Variants in HTR1F observed in about 807,000 individuals in gnomAD.
The protein encoded by HTR1F is 5-hydroxytryptamine (serotonin) receptor 1F, G protein-coupled.
In HTR1F, 17 loss-of-function variants were observed where a neutral mutation model predicts 24.0. The ratio of observed to expected loss-of-function variants is 0.71; its 90% CI spans 0.48 to 1.06. The LOEUF (loss-of-function observed/expected upper bound fraction) is 1.06, where lower values mean the gene tolerates loss of function less well. HTR1F is among the 50% of genes least tolerant of loss of function. The probability of loss-of-function intolerance (pLI) is 0.00; values close to 1 mark genes in which losing one functional copy is unlikely to be tolerated. For synonymous variants in HTR1F, 186 were observed against 156.8 expected, an observed-to-expected ratio of 1.19 and a Z score of -1.39; for missense variants, 391 against 427.8, an observed-to-expected ratio of 0.91 and a Z score of 0.76.
chr3:87,858,220 A>C (rs1705241258), intron 2 of HTR1F, among the ~76,000 whole-genome samples: 1 of 152,190 alleles, frequency 6.6e-6, no homozygotes, highest in Admixed American at 6.6e-5. Context: ...TTTACTGAGC[A>C]AAGGCATGTA....
intron 2 of HTR1F, among the ~76,000 whole-genome samples, chr3:87,838,508 G>GT (rs534385232): frequency 9.2e-5 from 14 of 151,580 alleles, no homozygotes; most frequent in African/African-American, 2.9e-4. Flanking sequence ...AAATTTTGAG[G>GT]TTTTTTTTAT....
chr3:87,984,781 C>T (rs891221835), intron 2 of HTR1F, among the ~76,000 whole-genome samples: 2 of 152,008 alleles, frequency 1.3e-5, no homozygotes, highest in African/African-American at 4.8e-5. Context: ...TTATAACTCT[C>T]AGATTTATTA....
rs138286717 is a variant in HTR1F, at chr3:87,829,407, A to T, written c.-43+7283A>T. 3.3e-4 allele frequency among the ~76,000 whole-genome samples: 50 copies of T among 152,344 alleles called. 2 individuals are homozygous for T. Among genetic ancestry groups the T allele is most frequent in the African/African-American group, 1.1e-3 (44 of 41,580 alleles). The stretch of plus-strand genomic sequence containing the variant: ...AAATGAAGCATATGCGATATGCACA[A>T]TGTGCCTAAAAAGCTGTGATCTTCC... On this transcript the variant is annotated intron_variant, in intron 2 of 2. Coordinates refer to ENST00000319595, the MANE Select transcript of HTR1F (RefSeq NM_001322209.2).
chr3:87,813,070 C>G (rs1158247866), intron 1 of HTR1F, among the ~76,000 whole-genome samples: 1 of 152,236 alleles, frequency 6.6e-6, no homozygotes, highest in Non-Finnish European at 1.5e-5. Context: ...AGCCCCCACA[C>G]AGAGTCCCCA....
At chr3:87,984,205 T>C (rs1278524361) in intron 2 of HTR1F, among the ~76,000 whole-genome samples, 1 of 152,228 alleles carries the variant, frequency 6.6e-6, no homozygotes, top group African/African-American at 2.4e-5. Flanking sequence ...CTGCAAAGGC[T>C]TTCCCTGTTT....
At chr3:87,880,634 G>T (rs1252644659) in intron 2 of HTR1F, among the ~76,000 whole-genome samples, 3 of 136,806 alleles carry the variant, frequency 2.2e-5, no homozygotes, top group Non-Finnish European at 4.5e-5. Flanking sequence ...TACAAAATGT[G>T]TGTGTGTTTG....
chr3:87,809,975 CAG>C (rs2107093671), intron 1 of HTR1F, among the ~76,000 whole-genome samples: 1 of 151,844 alleles, frequency 6.6e-6, no homozygotes, highest in Admixed American at 6.6e-5. Flanking sequence ...TTTTTCCTTT[CAG>C]TAGATGAACT....
intron 2 of HTR1F, among the ~76,000 whole-genome samples, chr3:87,932,972 A>G (rs530393088): frequency 0.039 from 5,803 of 146,920 alleles, 199 homozygotes; most frequent in African/African-American, 0.1. Context: ...CTGGCAAACC[A>G]AATCCAGCAG....
At chr3:87,912,291 G>A (rs1703795261) in intron 2 of HTR1F, among the ~76,000 whole-genome samples, 2 of 151,860 alleles carry the variant, frequency 1.3e-5, no homozygotes, top group South Asian at 4.2e-4. Flanking sequence ...CAAGACGAAA[G>A]TCAAATCAGG....
chr3:87,844,282 T>C (rs1704883937), intron 2 of HTR1F, among the ~76,000 whole-genome samples: 1 of 151,260 alleles, frequency 6.6e-6, no homozygotes. Context: ...TGGCCAGTGA[T>C]GGTGAGCATT....
intron 2 of HTR1F, among the ~76,000 whole-genome samples, chr3:87,854,686 A>T (rs1437546929): frequency 6.6e-6 from 1 of 152,048 alleles, no homozygotes; most frequent in Non-Finnish European, 1.5e-5. Context: ...TATTTTCATT[A>T]TTACTGATTA....
At chr3:87,795,200 G>A (rs1392942461) in intron 1 of HTR1F, among the ~76,000 whole-genome samples, 3 of 151,966 alleles carry the variant, frequency 2.0e-5, no homozygotes, top group Non-Finnish European at 2.9e-5. Context: ...TGGCCAGGAT[G>A]GTCTCGATCT....
chr3:87,794,683 A>C (rs1575876993), intron 1 of HTR1F, among the ~76,000 whole-genome samples: 1 of 152,182 alleles, frequency 6.6e-6, no homozygotes, highest in East Asian at 1.9e-4. Flanking sequence ...AACAGCATAC[A>C]AATAACTTAT....
intron 1 of HTR1F, among the ~76,000 whole-genome samples, chr3:87,805,716 T>C (rs936378057): frequency 6.6e-6 from 1 of 152,046 alleles, no homozygotes; most frequent in Non-Finnish European, 1.5e-5. Context: ...ACCTAGGTGA[T>C]GGGTTGATAA....
chr3:87,897,193 A>C (rs1241373784), intron 2 of HTR1F, among the ~76,000 whole-genome samples: 1 of 149,582 alleles, frequency 6.7e-6, no homozygotes, highest in African/African-American at 2.5e-5. Context: ...AAATGGTTAC[A>C]GAAACTGTTT....
chr3:87,942,063 G>A (rs756528862), intron 2 of HTR1F, among the ~76,000 whole-genome samples: 14 of 152,014 alleles, frequency 9.2e-5, no homozygotes, highest in South Asian at 4.2e-4. Flanking sequence ...TTCTTTGCTC[G>A]TCCATATTGT....
intron 2 of HTR1F, among the ~76,000 whole-genome samples, chr3:87,878,098 G>A (rs1705710945): frequency 6.6e-6 from 1 of 152,140 alleles, no homozygotes; most frequent in South Asian, 2.1e-4. Flanking sequence ...TAAATAGATT[G>A]AGAATCTAGG....
At chr3:87,963,099 A>C (rs549759559) in intron 2 of HTR1F, among the ~76,000 whole-genome samples, 44 of 152,200 alleles carry the variant, frequency 2.9e-4, no homozygotes, top group African/African-American at 9.1e-4. Flanking sequence ...AATACATGGA[A>C]AATTAATGGT....
chr3:87,867,003 CA>C (rs915833929), intron 2 of HTR1F, among the ~76,000 whole-genome samples: 80 of 151,904 alleles, frequency 5.3e-4, no homozygotes, highest in African/African-American at 1.8e-3. Flanking sequence ...AGTTTATAAA[CA>C]AAATACTGAT....
Sources: allele counts gnomAD v4.1 joint callset (sites outside exome capture counted in the v4.1 genomes callset), GRCh38; gene constraint gnomAD v4.1.1; transcripts MANE v1.5; gene names NCBI Gene and HGNC (gene_info 2026-07-23, HGNC 2026-07-21).